LPCAT1: variants seen among roughly 807,000 people sequenced by gnomAD.
LPCAT1 encodes the protein 1-acylglycerol-3-phosphate O-acyltransferase.
LPCAT1 carries 23 observed loss-of-function variants against 60.9 expected under a neutral mutation model. The observed-to-expected ratio is 0.38, with a 90% CI of 0.27 to 0.53. The LOEUF is 0.53. Among genes scored for constraint, LPCAT1 ranks in the 20% least tolerant of loss-of-function variants. LPCAT1 has a pLI of 0.82. For synonymous variants in LPCAT1, 340 were observed against 301.1 expected, an observed-to-expected ratio of 1.13 and a Z score of -1.34; for missense variants, 622 against 723.6, an observed-to-expected ratio of 0.86 and a Z score of 1.61.
At position 1,509,836 on chromosome 5, in the gene LPCAT1, G is replaced by A. The variant is rs151145864; in HGVS notation, c.136-8233C>T. Among the ~76,000 whole-genome samples, 366 of 152,270 alleles carry A rather than the reference G, an allele frequency of 2.4e-3. 2 individuals carry two copies. Among genetic ancestry groups the A allele is most frequent in the African/African-American group, 8.4e-3 (348 of 41,558 alleles). On this transcript the variant is annotated intron_variant, in intron 1 of 13. Coordinates refer to ENST00000283415, the MANE Select transcript of LPCAT1 (RefSeq NM_024830.5). ...AAAAGTGGCACCGTGAACCATTGCC[G>A]TGGGCTCTCTCTGCACACACAACCA... is the stretch of plus-strand genomic sequence containing the variant.
chr5:1,507,090 G>A (rs948046954), intron 1 of LPCAT1, among the ~76,000 whole-genome samples: 10 of 152,310 alleles, frequency 6.6e-5, no homozygotes, highest in African/African-American at 2.2e-4. Context: ...AGTGTGGCCA[G>A]AGGCTGAATG....
At chr5:1,518,999 C>T (rs1736592071) in intron 1 of LPCAT1, among the ~76,000 whole-genome samples, 1 of 152,246 alleles carries the variant, frequency 6.6e-6, no homozygotes, top group Admixed American at 6.5e-5. Context: ...GGGAAGAAAG[C>T]AGCTCCCATG....
In LPCAT1 at chr5:1,477,367, CCT is replaced by C. The variant is rs1560959421; in HGVS notation, c.899+35_899+36del. 4 of 1,568,290 alleles carry C rather than the reference CCT, an allele frequency of 2.6e-6. No individual in the cohort carries two copies. Among genetic ancestry groups the C allele is most frequent in the Admixed American group, 3.4e-5 (2 of 59,322 alleles). The stretch of plus-strand genomic sequence containing the variant: ...AGAGAGCAGCACTCTGGGAGACACC[CCT>C]GACTCGGCGATGGGGGAAGGAGCTG... On this transcript the variant is annotated intron_variant, in intron 9 of 13. Coordinates refer to ENST00000283415, the MANE Select transcript of LPCAT1 (RefSeq NM_024830.5). The surrounding 1 kb of genome is among the most constrained non-coding windows in gnomAD (Gnocchi z 6.0).
intron 1 of LPCAT1, among the ~76,000 whole-genome samples, chr5:1,514,120 C>T (rs552646103): frequency 2.0e-5 from 3 of 152,360 alleles, no homozygotes; most frequent in African/African-American, 7.2e-5. Flanking sequence ...GCAGAACCCC[C>T]ACCACCAGCG....
In LPCAT1 at chr5:1,523,661, T is replaced by G; in HGVS notation, c.135+49A>C. 9.5e-7 allele frequency: 1 copy of G among 1,057,094 alleles called. No homozygotes were observed. The highest frequency in any genetic ancestry group is 1.1e-6 in the Non-Finnish European group (1 of 876,852). The allele number at this position is 1,057,094 out of a possible 1,614,324, so 65.5% of individuals were successfully genotyped here. ...CGGCCGCGCCTCCCTGGCCCCAGCATCCCTGGCGTCCGCGCCGGCTCCCGG... is the reference window on the plus strand; with the variant it reads ...CGGCCGCGCCTCCCTGGCCCCAGCAGCCCTGGCGTCCGCGCCGGCTCCCGG... On this transcript the variant is annotated intron_variant, in intron 1 of 13. Transcript: ENST00000283415. This position sits in a 1 kb window ranked among gnomAD's most constrained non-coding sequence, Gnocchi z 7.1.
In LPCAT1 at chr5:1,488,440, A is replaced by G; in HGVS notation, c.618T>C (p.Phe206=). ...TCCTGTTTGTACAAGTTCCTTCTGGAAAAATCATTATCTGGAAGTGGGAGA... is the reference window on the plus strand; with the variant it reads ...TCCTGTTTGTACAAGTTCCTTCTGGGAAAATCATTATCTGGAAGTGGGAGA... ...SNGKWPQIMI[F]PEGTCTNRTC... is the part of the protein sequence containing the mutation. The change falls in exon 5 of 14, where the codon TTT becomes TTC. Residue 206 remains phenylalanine (F), a synonymous_variant. Transcript: ENST00000283415. 1 of 1,598,980 alleles carries G rather than the reference A, an allele frequency of 6.3e-7. No individual in the cohort carries two copies. Among genetic ancestry groups the G allele is most frequent in the Non-Finnish European group, 8.5e-7 (1 of 1,171,670 alleles).
rs541196162 is a variant in LPCAT1 at position 1,463,293 on chromosome 5, C to T, written c.*358G>A. The T allele has an allele frequency of 3.1e-4, 74 of 240,038 alleles. No individual in the cohort carries two copies. Among genetic ancestry groups the T allele is most frequent in the African/African-American group, 1.4e-3 (62 of 44,242 alleles). 14.9% of individuals were successfully genotyped at this position (240,038 alleles called of 1,614,324 possible). ...CGTGTGCTGAGTGTGCACGGAGGCC[C>T]GCCCGGTGCACGCTGCCGCCGGAAG... is the stretch of plus-strand genomic sequence containing the variant. On this transcript the variant is annotated 3_prime_UTR_variant, in exon 14 of 14. Coordinates refer to ENST00000283415, the MANE Select transcript of LPCAT1 (RefSeq NM_024830.5).
chr5:1,474,315 T>C (rs1734809734), intron 10 of LPCAT1, among the ~76,000 whole-genome samples: 1 of 152,196 alleles, frequency 6.6e-6, no homozygotes, highest in Non-Finnish European at 1.5e-5. Flanking sequence ...CTGAGACCCG[T>C]TCCCTTCCCA....
chr5:1,511,359 G>A (rs11740737), intron 1 of LPCAT1, among the ~76,000 whole-genome samples: 3 of 151,728 alleles, frequency 2.0e-5, no homozygotes, highest in Admixed American at 2.0e-4. Context: ...CCACCTGCAC[G>A]CCTCGCTCAC....
intron 3 of LPCAT1, among the ~76,000 whole-genome samples, chr5:1,494,422 G>C (rs1006553924): frequency 6.6e-6 from 1 of 151,242 alleles, no homozygotes; most frequent in Non-Finnish European, 1.5e-5. Context: ...GGTGGGGGGG[G>C]GGTCCCTCAC....
At chr5:1,488,915 G>A (rs1005376284) in intron 4 of LPCAT1, among the ~76,000 whole-genome samples, 1 of 152,258 alleles carries the variant, frequency 6.6e-6, no homozygotes, top group Non-Finnish European at 1.5e-5. Context: ...CGGGCTGGAT[G>A]AGCAGGAGAG....
chr5:1,490,867 A>G (rs964095175), intron 3 of LPCAT1, among the ~76,000 whole-genome samples: 5 of 152,098 alleles, frequency 3.3e-5, no homozygotes, highest in African/African-American at 1.2e-4. Context: ...AGCAGGATCC[A>G]CACTCGGCGC....
Position 1,463,809 on chromosome 5 carries a change from A to G in LPCAT1, c.1447T>C (p.Tyr483His), listed in dbSNP as rs1403499905. 1.9e-6 allele frequency: 3 copies of G among 1,614,124 alleles called. No homozygotes were observed. Among genetic ancestry groups the G allele is most frequent in the East Asian group, 2.2e-5 (1 of 44,894 alleles). The change falls in exon 14 of 14, where the codon TAC becomes CAC. Residue 483 changes from tyrosine (Y) to histidine (H), a missense_variant. Tyr to His is a moderately conservative substitution (Grantham distance 83, BLOSUM62 2). Around this residue, in one of 3 missense-constraint regions of LPCAT1, gnomAD observed 288 missense variants for 283.6 expected, o/e 1.02. Coordinates refer to ENST00000283415, the MANE Select transcript of LPCAT1 (RefSeq NM_024830.5). ...FADFHRFAEMYPAFAEEYLYP... is the reference protein window; with the variant it reads ...FADFHRFAEMHPAFAEEYLYP... ...AGGTATTCCTCTGCGAAGGCAGGGT[A>G]CATTTCTGCAAACCTGTGGAAGTCA...
intron 2 of LPCAT1, among the ~76,000 whole-genome samples, chr5:1,499,440 T>A (rs1310447747): frequency 6.6e-6 from 1 of 152,246 alleles, no homozygotes. Context: ...AGCTGTGGCT[T>A]CTCAACTCAG....
In LPCAT1 at chr5:1,502,623, C is replaced by T. The variant is rs552782590; in HGVS notation, c.136-1020G>A. On this transcript the variant is annotated intron_variant, in intron 1 of 13. Coordinates refer to ENST00000283415, the MANE Select transcript of LPCAT1 (RefSeq NM_024830.5). This position sits in a 1 kb window ranked among gnomAD's most constrained non-coding sequence, Gnocchi z 5.5. ...TGAGGATGGAGGTCCCTCCGGGAGG[C>T]GGGCAGGACTCCGTGTAGAGGGGCG... Among the ~76,000 whole-genome samples, 2 of 152,114 alleles carry T rather than the reference C, an allele frequency of 1.3e-5. No individual in the cohort carries two copies. The highest frequency in any genetic ancestry group is 2.4e-5 in the African/African-American group (1 of 41,428).
Position 1,462,893 on chromosome 5 carries a change from C to A in LPCAT1, c.*758G>T, listed in dbSNP as rs10475012. The stretch of plus-strand genomic sequence containing the variant: ...GAAAAGCAGAAAAAGTGTTTTGGGG[C>A]TAGGCCCTTGAGTTCACACCTCCCC... On this transcript the variant is annotated 3_prime_UTR_variant, in exon 14 of 14. Coordinates refer to ENST00000283415, the MANE Select transcript of LPCAT1 (RefSeq NM_024830.5). The A allele has an allele frequency of 1.3e-5, 2 of 152,056 alleles. No homozygotes were observed. Among genetic ancestry groups the A allele is most frequent in the Non-Finnish European group, 2.9e-5 (2 of 68,018 alleles). 9.4% of individuals were successfully genotyped at this position (152,056 alleles called of 1,614,324 possible).
At chr5:1,482,893 C>A (rs1735216362) in intron 6 of LPCAT1, among the ~76,000 whole-genome samples, 2 of 152,188 alleles carry the variant, frequency 1.3e-5, no homozygotes, top group African/African-American at 4.8e-5. Flanking sequence ...CAAACACCTT[C>A]TTAATTCTCT....
At position 1,481,060 on chromosome 5, in the gene LPCAT1, T is replaced by G; in HGVS notation, c.727-84A>C. On this transcript the variant is annotated intron_variant, in intron 6 of 13. Coordinates refer to ENST00000283415, the MANE Select transcript of LPCAT1 (RefSeq NM_024830.5). This position sits in a 1 kb window ranked among gnomAD's most constrained non-coding sequence, Gnocchi z 7.8. ...GCACCTGCGTGTGCCGGCCTCTCCC[T>G]GCACCTCCCACCCCACAGAGGCGCT... 1.3e-6 allele frequency: 2 copies of G among 1,492,252 alleles called. No individual in the cohort carries two copies. Among genetic ancestry groups the G allele is most frequent in the Admixed American group, 1.7e-5 (1 of 59,788 alleles). 92.4% of individuals were successfully genotyped at this position (1,492,252 alleles called of 1,614,324 possible).
chr5:1,477,453 T>C lies in LPCAT1; in HGVS notation c.850A>G (p.Lys284Glu), dbSNP rs767655718. 2.5e-6 allele frequency: 4 copies of C among 1,613,932 alleles called. No individual in the cohort carries two copies. The East Asian group carries it at 6.7e-5, about 27-fold the overall frequency. Residue 284 changes from lysine to glutamate, a missense_variant, in exon 9 of 14, where the codon AAG (lysine) becomes GAG (glutamate). Physicochemically the swap from Lys to Glu is moderately conservative, Grantham distance 56. This residue lies in a region of LPCAT1 where 209 missense variants were observed against 325.5 expected (regional missense o/e 0.64). Coordinates refer to ENST00000283415, the MANE Select transcript of LPCAT1 (RefSeq NM_024830.5). This position sits in a 1 kb window ranked among gnomAD's most constrained non-coding sequence, Gnocchi z 6.0. ...CTGGCATACAGCGCGGGGTTCCTCT[T>C]CTCCTCCTCAGAAGGGCTGTACACA... ...LPVYSPSEEE[K>E]RNPALYASNV...
Sources: allele counts gnomAD v4.1 joint callset (sites outside exome capture counted in the v4.1 genomes callset), GRCh38; gene constraint gnomAD v4.1.1; regional missense constraint gnomAD v4.1.1; non-coding constraint Gnocchi (gnomAD v3.1); transcripts MANE v1.5; gene names NCBI Gene and HGNC (gene_info 2026-07-23, HGNC 2026-07-21).